Variants in IQCM observed in about 807,000 individuals in gnomAD.
The protein encoded by IQCM is IQ domain-containing protein M.
In IQCM, 45 loss-of-function variants were observed where a neutral mutation model predicts 57.6. That is an observed-to-expected ratio of 0.78 (90% CI 0.62 to 1.00). The LOEUF is 1.00. Ranked by LOEUF, IQCM falls within the 50% of genes least tolerant of loss-of-function variation. The probability of loss-of-function intolerance (pLI) is 0.00; values close to 1 mark genes in which losing one functional copy is unlikely to be tolerated. For synonymous variants in IQCM, 148 were observed against 158.9 expected (o/e 0.93, Z 0.51); for missense variants, 468 against 511.6 (o/e 0.91, Z 0.82).
chr4:149,730,910 G>A (rs1222757781), intron 5 of IQCM, among the ~76,000 whole-genome samples: 1 of 152,142 alleles, frequency 6.6e-6, no homozygotes, highest in Non-Finnish European at 1.5e-5. Context: ...AATGTTAGGT[G>A]AAGAAATGCA....
chr4:149,811,221 T>A (rs1181694652), intron 2 of IQCM, among the ~76,000 whole-genome samples: 1 of 152,128 alleles, frequency 6.6e-6, no homozygotes, highest in Non-Finnish European at 1.5e-5. Context: ...CAAAAGCACA[T>A]GAAAAAAATT....
At chr4:149,416,062 C>G (rs777048775) in intron 13 of IQCM, among the ~76,000 whole-genome samples, 28 of 151,998 alleles carry the variant, frequency 1.8e-4, no homozygotes, top group Non-Finnish European at 1.6e-4. Context: ...TTTAAAAAAG[C>G]CTGTTAGTAG....
intron 13 of IQCM, among the ~76,000 whole-genome samples, chr4:149,371,101 A>C (rs2110980898): frequency 6.6e-6 from 1 of 152,294 alleles, no homozygotes; most frequent in African/African-American, 2.4e-5. Flanking sequence ...TGTTAAGATG[A>C]GTATATAATC....
intron 6 of IQCM, among the ~76,000 whole-genome samples, chr4:149,685,150 A>G (rs1762461704): frequency 6.6e-6 from 1 of 151,504 alleles, no homozygotes; most frequent in South Asian, 2.1e-4. Flanking sequence ...CTTGTCCCTA[A>G]AACATTATTA....
chr4:149,718,440 A>G (rs41485146), intron 5 of IQCM, among the ~76,000 whole-genome samples: 1,710 of 152,372 alleles, frequency 0.011, 43 homozygotes, highest in African/African-American at 0.039. Context: ...CTGCTGAATA[A>G]ATACATGAAT....
chr4:149,449,329 T>C (rs1483174264), intron 12 of IQCM, among the ~76,000 whole-genome samples: 1 of 146,332 alleles, frequency 6.8e-6, no homozygotes. Flanking sequence ...TTTATATATA[T>C]ATAAATAAAT....
At chr4:149,457,558 GTTTTGT>G (rs1237276898) in intron 12 of IQCM, among the ~76,000 whole-genome samples, 1 of 151,620 alleles carries the variant, frequency 6.6e-6, no homozygotes, top group Non-Finnish European at 1.5e-5. Flanking sequence ...TCAGTTTTAG[GTTTTGT>G]TTTTGTTTTT....
intron 7 of IQCM, among the ~76,000 whole-genome samples, chr4:149,680,242 C>A (rs1424830782): frequency 7.9e-5 from 12 of 151,300 alleles, no homozygotes; most frequent in Admixed American, 4.0e-4. Flanking sequence ...ACTTTTTCAG[C>A]ATATTCAACC....
At position 149,563,681 on chromosome 4, in the gene IQCM, G is replaced by A. The variant is rs990433752; in HGVS notation, c.948+11C>T. The stretch of plus-strand genomic sequence containing the variant: ...TTTTAAACACATTATAATATCTGAT[G>A]GATATCTTACCTTGGTCATTACTCT... On this transcript the variant is annotated intron_variant, in intron 10 of 13. Transcript: ENST00000636793. 1.6e-6 allele frequency: 2 copies of A among 1,227,236 alleles called. No homozygotes were observed. The highest frequency in any genetic ancestry group is 1.6e-5 in the African/African-American group (1 of 64,252). The allele number at this position is 1,227,236 out of a possible 1,614,324, so 76.0% of individuals were successfully genotyped here. A position where few individuals can be genotyped will look rare whatever the true frequency, so the allele number is the denominator to read the frequency against.
chr4:149,388,676 T>C (rs1391249900), intron 13 of IQCM, among the ~76,000 whole-genome samples: 1 of 143,624 alleles, frequency 7.0e-6, no homozygotes, highest in Non-Finnish European at 1.5e-5. Flanking sequence ...TACATATATA[T>C]AGGCAAAGAA....
chr4:149,578,358 G>C (rs535924614), intron 9 of IQCM, among the ~76,000 whole-genome samples: 1 of 151,784 alleles, frequency 6.6e-6, no homozygotes, highest in South Asian at 2.1e-4. Context: ...TTACCGGTAG[G>C]ATACTGAAAA....
At chr4:149,507,248 G>A (rs940300693) in intron 12 of IQCM, among the ~76,000 whole-genome samples, 8 of 152,122 alleles carry the variant, frequency 5.3e-5, no homozygotes, top group African/African-American at 1.7e-4. Flanking sequence ...ACAGTAAATT[G>A]GAACAGCAGA....
rs560324663 is a variant in IQCM at position 149,733,118 on chromosome 4, C to T, written c.385+126G>A. On this transcript the variant is annotated intron_variant, in intron 5 of 13. Transcript: ENST00000636793. ...CAGCTCTAATAATCAGGCCTCCCTA[C>T]CTTTCATTGTTAAGATTTAAAGTTC... 14 of 868,144 alleles carry T rather than the reference C, an allele frequency of 1.6e-5. No individual in the cohort carries two copies. The East Asian group carries it at 2.7e-4, about 17-fold the overall frequency. The allele number at this position is 868,144 out of a possible 1,614,324, so 53.8% of individuals were successfully genotyped here. A position where few individuals can be genotyped will look rare whatever the true frequency, so the allele number is the denominator to read the frequency against.
chr4:149,671,883 G>T (rs1288496102), intron 7 of IQCM, among the ~76,000 whole-genome samples: 1 of 152,116 alleles, frequency 6.6e-6, no homozygotes, highest in South Asian at 2.1e-4. Context: ...TTGCTGAGGA[G>T]TGCTTTACTT....
At chr4:149,790,619 G>C (rs1036939334) in intron 2 of IQCM, among the ~76,000 whole-genome samples, 1 of 152,018 alleles carries the variant, frequency 6.6e-6, no homozygotes, top group Non-Finnish European at 1.5e-5. Flanking sequence ...CCCTTCACTG[G>C]TTGTATAAAA....
Position 149,358,901 on chromosome 4 carries a change from C to T in IQCM, c.1391-6835G>A, listed in dbSNP as rs564331576. Among the ~76,000 whole-genome samples the T allele has an allele frequency of 5.1e-5, 4 of 78,942 alleles. No individual in the cohort carries two copies. In the South Asian group the frequency reaches 1.1e-3, roughly 22 times the overall value. 51.8% of individuals were successfully genotyped at this position (78,942 alleles called of 152,430 possible). On this transcript the variant is annotated intron_variant, in intron 13 of 13. Transcript: ENST00000636793. The stretch of plus-strand genomic sequence containing the variant: ...CATGAGACCACAGTGGAGAGCTGTG[C>T]TATCAGAGTGAGTGGAAATGAGAAA...
At chr4:149,437,029 G>A (rs1735428825) in intron 12 of IQCM, among the ~76,000 whole-genome samples, 1 of 152,124 alleles carries the variant, frequency 6.6e-6, no homozygotes, top group Non-Finnish European at 1.5e-5. Context: ...AGATACTGAA[G>A]CATAGGGAGG....
intron 13 of IQCM, among the ~76,000 whole-genome samples, chr4:149,386,469 A>G (rs1402354163): frequency 6.6e-6 from 1 of 152,062 alleles, no homozygotes; most frequent in Non-Finnish European, 1.5e-5. Context: ...CTTAATTTCA[A>G]CATATTTAAT....
chr4:149,368,590 A>C (rs1730004675), intron 13 of IQCM, among the ~76,000 whole-genome samples: 2 of 151,396 alleles, frequency 1.3e-5, no homozygotes, highest in Non-Finnish European at 2.9e-5. Flanking sequence ...TTTCTAAGCA[A>C]GGACATGAGA....
Sources: gnomAD v4.1 joint callset for allele counts (sites outside exome capture counted in the v4.1 genomes callset) on GRCh38, gnomAD v4.1.1 for gene constraint, MANE v1.5 for transcripts, NCBI Gene and HGNC (gene_info 2026-07-23, HGNC 2026-07-21) for gene names.